PTPN21: variants seen among roughly 807,000 people sequenced by gnomAD.
PTPN21 encodes the protein protein tyrosine phosphatase non-receptor type 21, also known as tyrosine-protein phosphatase non-receptor type 21.
In PTPN21, 77 loss-of-function variants were observed where a neutral mutation model predicts 131.8. The ratio of observed to expected loss-of-function variants is 0.58; its 90% confidence interval spans 0.49 to 0.71. PTPN21 has a LOEUF of 0.71. PTPN21 is among the 30% of genes least tolerant of loss of function. The pLI, the probability that PTPN21 is intolerant of heterozygous loss-of-function variation, is 0.00. For missense variants in PTPN21, 1,552 were observed against 1,527.1 expected (o/e 1.02, Z -0.27); for synonymous variants, 715 against 621.3 (o/e 1.15, Z -2.24).
At chr14:88,547,521 G>A (rs956410700) in intron 2 of PTPN21, 1 of 327,994 alleles carries the variant, frequency 3.0e-6, no homozygotes, top group Middle Eastern at 6.5e-4. Context: ...GGGTGTGGTG[G>A]AGTGTACCTG....
chr14:88,468,202 G>C lies in PTPN21; in HGVS notation c.3460C>G (p.Leu1154Val), dbSNP rs781681854. ...RQQRMMLVQT[L>V]CQYTFVYRVL... The stretch of plus-strand genomic sequence containing the variant: ...CTGTACACAAATGTGTACTGGCAGA[G>C]AGTCTGCACCAGCATCATTCTCTGT... Residue 1154 changes from leucine to valine, a missense_variant, in exon 19 of 19, where the codon CTC becomes GTC. Coordinates refer to ENST00000556564, the MANE Select transcript of PTPN21 (RefSeq NM_007039.4). 1 of 1,612,340 alleles carries C rather than the reference G, an allele frequency of 6.2e-7. No individual in the cohort carries two copies. The highest frequency in any genetic ancestry group is 1.1e-5 in the South Asian group (1 of 90,964).
intron 1 of PTPN21, chr14:88,551,947 T>A (rs1461512553): frequency 2.0e-5 from 3 of 152,212 alleles, no homozygotes; most frequent in Non-Finnish European, 4.4e-5. Context: ...GTCTACAAAA[T>A]CCCGGACATT....
At chr14:88,547,068 T>G (rs1836474840) in intron 2 of PTPN21, among the ~76,000 whole-genome samples, 1 of 152,220 alleles carries the variant, frequency 6.6e-6, no homozygotes. Context: ...ATAAAGTTAC[T>G]TGTTCCCTGA....
At chr14:88,543,780 C>T (rs560910903) in intron 2 of PTPN21, among the ~76,000 whole-genome samples, 2 of 152,238 alleles carry the variant, frequency 1.3e-5, no homozygotes, top group South Asian at 2.1e-4. Flanking sequence ...ATATATTTTG[C>T]TAGACTTTCA....
chr14:88,530,486 A>G (rs1433338906), intron 2 of PTPN21, among the ~76,000 whole-genome samples: 1 of 150,874 alleles, frequency 6.6e-6, no homozygotes, highest in Non-Finnish European at 1.5e-5. Context: ...TAAAAGATAC[A>G]GAATGGCAGA....
At chr14:88,531,468 A>G (rs1189154268) in intron 2 of PTPN21, among the ~76,000 whole-genome samples, 1 of 152,096 alleles carries the variant, frequency 6.6e-6, no homozygotes, top group African/African-American at 2.4e-5. Context: ...GAGGCAGGAG[A>G]ATTGCTTGAA....
At chr14:88,503,053 CT>C (rs576430469) in intron 6 of PTPN21, among the ~76,000 whole-genome samples, 565 of 140,878 alleles carry the variant, frequency 4.0e-3, no homozygotes, top group Admixed American at 4.8e-3. Flanking sequence ...AAATCTTTTT[CT>C]TTTTTTTTTT....
intron 3 of PTPN21, among the ~76,000 whole-genome samples, chr14:88,513,212 T>G (rs2078212546): frequency 6.6e-6 from 1 of 152,242 alleles, no homozygotes; most frequent in Non-Finnish European, 1.5e-5. Flanking sequence ...TCGCCCAGGC[T>G]GGAGTGCAGT....
chr14:88,479,515 TCGATGCTGTTCCGTTTGTG>T lies in PTPN21; in HGVS notation c.1897_1915del (p.His633ArgfsTer55). 2 of 1,600,670 alleles carry T rather than the reference TCGATGCTGTTCCGTTTGTG, an allele frequency of 1.2e-6. No homozygotes were observed. Among genetic ancestry groups the T allele is most frequent in the Non-Finnish European group, 1.7e-6 (2 of 1,179,258 alleles). ...CAGGCCGTGGCTGAGCCCGGCCACC[TCGATGCTGTTCCGTTTGTG>T]CAGCTGCGCGTGGCGCGCGGCGGTG... On this transcript the variant is annotated frameshift_variant, in exon 13 of 19. Transcript: ENST00000556564. LOFTEE classifies it high-confidence loss of function.
intron 2 of PTPN21, among the ~76,000 whole-genome samples, chr14:88,518,878 T>G (rs2078345851): frequency 6.6e-6 from 1 of 152,112 alleles, no homozygotes; most frequent in Non-Finnish European, 1.5e-5. Context: ...AGTATTCAGA[T>G]GCAATTCCAA....
At chr14:88,514,137 G>A (rs547557229) in intron 3 of PTPN21, among the ~76,000 whole-genome samples, 78 of 152,276 alleles carry the variant, frequency 5.1e-4, no homozygotes, top group Non-Finnish European at 1.0e-3. Flanking sequence ...ACTGTTAGAA[G>A]AATGTTTTGG....
At chr14:88,514,269 C>T (rs1410483809) in intron 3 of PTPN21, among the ~76,000 whole-genome samples, 1 of 152,130 alleles carries the variant, frequency 6.6e-6, no homozygotes, top group Non-Finnish European at 1.5e-5. Flanking sequence ...ACCTGTTACA[C>T]AGACGAATTA....
At chr14:88,541,468 C>T (rs2078704756) in intron 2 of PTPN21, among the ~76,000 whole-genome samples, 1 of 152,176 alleles carries the variant, frequency 6.6e-6, no homozygotes, top group Non-Finnish European at 1.5e-5. Flanking sequence ...ATACAGAGGG[C>T]TCAACAATTG....
Position 88,517,114 on chromosome 14 carries a change from G to C in PTPN21, c.328C>G (p.Gln110Glu). The C allele has an allele frequency of 6.2e-7, 1 of 1,613,856 alleles. No individual in the cohort carries two copies. Among genetic ancestry groups the C allele is most frequent in the Non-Finnish European group, 8.5e-7 (1 of 1,179,826 alleles). ...CACCTGGTAATCTCCTGCTGCAGCT[G>C]AGAAACTGAAGGCACATAAAACACC... ...GVVFYVPSVSQLQQEITRYQY... is the reference protein window; with the variant it reads ...GVVFYVPSVSELQQEITRYQY... The change falls in exon 3 of 19, where the codon CAG becomes GAG. Residue 110 changes from glutamine (Q) to glutamate (E), a missense_variant. Gln to Glu is a conservative substitution (Grantham distance 29). Around this residue, in one of 4 missense-constraint regions of PTPN21, gnomAD observed 206 missense variants for 221.6 expected, o/e 0.93. Coordinates refer to ENST00000556564, the MANE Select transcript of PTPN21 (RefSeq NM_007039.4).
At chr14:88,549,117 AT>A (rs1365453433) in intron 2 of PTPN21, among the ~76,000 whole-genome samples, 7 of 152,218 alleles carry the variant, frequency 4.6e-5, no homozygotes, top group African/African-American at 1.7e-4. Context: ...AATATAGTCA[AT>A]GAATTTTACT....
chr14:88,522,132 A>G (rs951201696), intron 2 of PTPN21, among the ~76,000 whole-genome samples: 6 of 152,182 alleles, frequency 3.9e-5, no homozygotes, highest in Non-Finnish European at 5.9e-5. Context: ...AGCTGAAAAG[A>G]ATGGTGGGCT....
At chr14:88,468,415 C>T (rs2077400212) in intron 18 of PTPN21, 150 bp from the exon 19 acceptor site, 1 of 734,576 alleles carries the variant, frequency 1.4e-6, no homozygotes, top group Admixed American at 3.4e-5. Flanking sequence ...CCATGATTGC[C>T]TACTTCTGAT....
Position 88,473,662 on chromosome 14 carries a change from T to C in PTPN21, c.2649+3A>G, listed in dbSNP as rs752922804. On this transcript the variant is annotated splice_donor_region_variant and intron_variant, in intron 14 of 18. Transcript: ENST00000556564. ...CACAAAGCCCTGTGTGTCCCATACATACCCTTTCATCATTCGTTGCTCTGG... is the reference window on the plus strand; with the variant it reads ...CACAAAGCCCTGTGTGTCCCATACACACCCTTTCATCATTCGTTGCTCTGG... 2.5e-6 allele frequency: 4 copies of C among 1,612,476 alleles called. No homozygotes were observed. The South Asian group carries it at 3.3e-5, about 13-fold the overall frequency.
At chr14:88,485,899 C>T in intron 10 of PTPN21, 57 bp from the exon 11 acceptor site, 1 of 1,058,114 alleles carries the variant, frequency 9.5e-7, no homozygotes, top group South Asian at 1.5e-5. Context: ...TAAATTCTAC[C>T]AAAACAAGAT....
Sources: gnomAD v4.1 joint callset for allele counts (sites outside exome capture counted in the v4.1 genomes callset) on GRCh38, gnomAD v4.1.1 for gene constraint, gnomAD v4.1.1 regional missense constraint, MANE v1.5 for transcripts, NCBI Gene and HGNC (gene_info 2026-07-23, HGNC 2026-07-21) for gene names.